The following PRKG1 variants were observed in gnomAD, a reference collection of about 807,000 sequenced individuals.
The protein encoded by PRKG1 is protein kinase cGMP-dependent 1.
In PRKG1, 35 loss-of-function variants were observed where a neutral mutation model predicts 88.1. That is an observed-to-expected ratio of 0.40 (90% confidence interval 0.30 to 0.53). The LOEUF is 0.53. Among genes scored for constraint, PRKG1 ranks in the 20% least tolerant of loss-of-function variants. The pLI, the probability that PRKG1 is intolerant of heterozygous loss-of-function variation, is 0.59. For missense variants in PRKG1, 540 were observed against 839.8 expected, an observed-to-expected ratio of 0.64 and a Z score of 4.41; for synonymous variants, 303 against 292.5, an observed-to-expected ratio of 1.04 and a Z score of -0.37.
At chr10:51,665,705 C>T (rs1293080844) in intron 3 of PRKG1, among the ~76,000 whole-genome samples, 3 of 151,658 alleles carry the variant, frequency 2.0e-5, no homozygotes, top group Non-Finnish European at 4.4e-5. Flanking sequence ...CTACTCATCC[C>T]TCCTTCTATT....
intron 9 of PRKG1, among the ~76,000 whole-genome samples, chr10:52,229,089 T>TG (rs953005021): frequency 2.6e-5 from 4 of 152,214 alleles, no homozygotes; most frequent in African/African-American, 9.6e-5. Context: ...GTACTATTTT[T>TG]TTTTCTGTTG....
chr10:51,779,235 A>AT (rs1264013858), intron 3 of PRKG1, among the ~76,000 whole-genome samples: 2 of 152,094 alleles, frequency 1.3e-5, no homozygotes, highest in Non-Finnish European at 2.9e-5. Context: ...ATGGTTTGGT[A>AT]TTTTATTTGA....
rs117408012 is a variant in PRKG1, at chr10:51,926,734, T to C, written c.762+19164T>C. Among the ~76,000 whole-genome samples, 21 of 149,160 alleles carry C rather than the reference T, an allele frequency of 1.4e-4. No individual in the cohort carries two copies. In the East Asian group the frequency reaches 4.0e-3, roughly 28 times the overall value. ...AGTTACGGCTTATTTTCTCTGAAAA[T>C]TTCTTGCCTAGCATAGTTTTTTTTT... is the stretch of plus-strand genomic sequence containing the variant. On this transcript the variant is annotated intron_variant, in intron 5 of 17. Transcript: ENST00000373980.
chr10:51,489,148 C>T (rs1345394986), intron 3 of PRKG1, among the ~76,000 whole-genome samples: 1 of 152,128 alleles, frequency 6.6e-6, no homozygotes, highest in East Asian at 1.9e-4. Flanking sequence ...AGCTAGCCTT[C>T]AAAGACTTCA....
intron 2 of PRKG1, among the ~76,000 whole-genome samples, chr10:51,424,953 T>G (rs1838532465): frequency 6.6e-6 from 1 of 152,186 alleles, no homozygotes; most frequent in Non-Finnish European, 1.5e-5. Flanking sequence ...GATTGATTCT[T>G]TAATATTCTA....
intron 7 of PRKG1, among the ~76,000 whole-genome samples, chr10:52,073,784 A>G (rs1282115825): frequency 1.3e-5 from 2 of 152,190 alleles, no homozygotes; most frequent in Non-Finnish European, 2.9e-5. Flanking sequence ...ATGTCAAGGA[A>G]CTCATTACAG....
rs529458362 is a variant in PRKG1 at position 51,583,807 on chromosome 10, A to C, written c.592+115971A>C. On this transcript the variant is annotated intron_variant, in intron 3 of 17. Transcript: ENST00000373980. ...TATATACTATAATGGAGCAGAGACA[A>C]AGTTTTGTATTGAATGCTTCATTTT... 1.1e-4 allele frequency among the ~76,000 whole-genome samples: 16 copies of C among 152,226 alleles called. No homozygotes were observed. In the South Asian group the frequency reaches 3.3e-3, roughly 32 times the overall value.
chr10:51,136,137 T>A (rs1022536819), intron 1 of PRKG1, among the ~76,000 whole-genome samples: 3 of 151,944 alleles, frequency 2.0e-5, no homozygotes, highest in South Asian at 2.1e-4. Context: ...ATAAAAAAAA[T>A]GATCAGTGAG....
At chr10:51,117,715 A>AT (rs1195986983) in intron 1 of PRKG1, among the ~76,000 whole-genome samples, 1 of 152,226 alleles carries the variant, frequency 6.6e-6, no homozygotes, top group Non-Finnish European at 1.5e-5. Context: ...AGAAGAAACA[A>AT]TTTTTGATAG....
Position 51,937,987 on chromosome 10 carries a change from A to G in PRKG1, c.762+30417A>G, listed in dbSNP as rs552498251. Among the ~76,000 whole-genome samples the G allele has an allele frequency of 4.3e-4, 65 of 152,178 alleles. 1 individual carries two copies. The highest frequency in any genetic ancestry group is 1.5e-3 in the African/African-American group (62 of 41,528). On this transcript the variant is annotated intron_variant, in intron 5 of 17. Transcript: ENST00000373980. ...CTTATACGCTATCTGCCTGTTAGTC[A>G]TCGACATCGTCCGCTCCTGACTTCC...
At position 52,294,163 on chromosome 10, in the gene PRKG1, C is replaced by T; in HGVS notation, c.*263C>T. The T allele has an allele frequency of 2.8e-6, 1 of 359,038 alleles. No homozygotes were observed. Among genetic ancestry groups the T allele is most frequent in the Non-Finnish European group, 5.1e-6 (1 of 197,768 alleles). 22.2% of individuals were successfully genotyped at this position (359,038 alleles called of 1,614,324 possible). On this transcript the variant is annotated 3_prime_UTR_variant, in exon 18 of 18. Transcript: ENST00000373980. The stretch of plus-strand genomic sequence containing the variant: ...GCCTTTCACCAGTAAAAGATGTTTT[C>T]TATTGTTGCAATGACCTTGCTTTGC...
chr10:51,779,235 A>G (rs1182692943), intron 3 of PRKG1, among the ~76,000 whole-genome samples: 1 of 152,094 alleles, frequency 6.6e-6, no homozygotes, highest in Non-Finnish European at 1.5e-5. Flanking sequence ...ATGGTTTGGT[A>G]TTTTATTTGA....
intron 3 of PRKG1, among the ~76,000 whole-genome samples, chr10:51,473,711 C>A (rs1313314523): frequency 1.3e-5 from 2 of 151,344 alleles, no homozygotes; most frequent in Non-Finnish European, 2.9e-5. Context: ...TTAAAGATCA[C>A]AGGTAATTTA....
chr10:51,691,682 T>C (rs1206761133), intron 3 of PRKG1, among the ~76,000 whole-genome samples: 2 of 152,206 alleles, frequency 1.3e-5, no homozygotes, highest in Non-Finnish European at 2.9e-5. Context: ...CTAATAATTA[T>C]GTTTTTATAC....
At chr10:52,083,900 G>C (rs1846843561) in intron 7 of PRKG1, among the ~76,000 whole-genome samples, 1 of 151,952 alleles carries the variant, frequency 6.6e-6, no homozygotes, top group Admixed American at 6.6e-5. Context: ...AAGATCAGTG[G>C]GTACTAAAAC....
intron 1 of PRKG1, among the ~76,000 whole-genome samples, chr10:51,056,708 A>G (rs1252037539): frequency 6.6e-6 from 1 of 152,142 alleles, no homozygotes; most frequent in Non-Finnish European, 1.5e-5. Context: ...AATGTAGTCT[A>G]CATTTGTCAG....
intron 1 of PRKG1, among the ~76,000 whole-genome samples, chr10:51,124,079 G>T (rs1300181200): frequency 6.6e-6 from 1 of 151,990 alleles, no homozygotes; most frequent in East Asian, 1.9e-4. Flanking sequence ...GATTGGATGG[G>T]GACAGAGATC....
At chr10:51,344,266 G>A (rs1006855682) in intron 2 of PRKG1, among the ~76,000 whole-genome samples, 4 of 152,114 alleles carry the variant, frequency 2.6e-5, no homozygotes, top group African/African-American at 9.6e-5. Flanking sequence ...AGCTGGGGGG[G>A]TACCACATGC....
At chr10:51,993,059 A>G (rs1844352924) in intron 5 of PRKG1, among the ~76,000 whole-genome samples, 1 of 152,188 alleles carries the variant, frequency 6.6e-6, no homozygotes, top group Non-Finnish European at 1.5e-5. Flanking sequence ...AATGAGACAT[A>G]ATATATAATT....
Sources: gnomAD v4.1 joint callset for allele counts (sites outside exome capture counted in the v4.1 genomes callset) on GRCh38, gnomAD v4.1.1 for gene constraint, MANE v1.5 for transcripts, NCBI Gene and HGNC (gene_info 2026-07-23, HGNC 2026-07-21) for gene names.